Variants in SMAD3 observed in about 807,000 individuals in gnomAD.
SMAD3 encodes MAD homolog 3.
Under a neutral mutation model 51.8 loss-of-function variants are expected in SMAD3, and 12 were observed. That is an observed-to-expected ratio of 0.23 (90% CI 0.15 to 0.38). The LOEUF is 0.38. Ranked by LOEUF, SMAD3 falls within the 10% of genes least tolerant of loss-of-function variation. The probability of loss-of-function intolerance (pLI) is 1.00; values close to 1 mark genes in which losing one functional copy is unlikely to be tolerated. For missense variants in SMAD3, 294 were observed against 565.6 expected (o/e 0.52, Z 4.87); for synonymous variants, 238 against 227.7 (o/e 1.05, Z -0.41).
At chr15:67,085,868 GCACACACACA>G (rs78357581) in intron 1 of SMAD3, among the ~76,000 whole-genome samples, 1 of 100,066 alleles carries the variant, frequency 1.0e-5, no homozygotes, top group Non-Finnish European at 2.2e-5. Flanking sequence ...AAAAAAGCGT[GCACACACACA>G]CACACACACA....
At chr15:67,086,637 T>C (rs547758125) in intron 1 of SMAD3, among the ~76,000 whole-genome samples, 1 of 152,308 alleles carries the variant, frequency 6.6e-6, no homozygotes, top group Non-Finnish European at 1.5e-5. Context: ...TGTAGACACA[T>C]GCCAGATGTA....
chr15:67,128,540 A>AT (rs559138116), intron 1 of SMAD3, among the ~76,000 whole-genome samples: 2 of 150,276 alleles, frequency 1.3e-5, no homozygotes, highest in African/African-American at 2.4e-5. Context: ...TATTCATAAG[A>AT]TTTTTTTTTT....
intron 7 of SMAD3, chr15:67,186,530 A>G (rs1012758541): frequency 1.9e-5 from 3 of 154,400 alleles, no homozygotes; most frequent in Non-Finnish European, 4.3e-5. Context: ...TGGCTCATTC[A>G]TAAGCGTCAC....
rs1320208623 is a variant in SMAD3 at position 67,184,846 on chromosome 15, G to A, written c.991G>A (p.Val331Ile). The change falls in exon 7 of 9, where the codon GTC becomes ATC. Residue 331 changes from valine to isoleucine, a missense_variant. This residue lies in a region of SMAD3 where 118 missense variants were observed against 278.0 expected (regional missense o/e 0.42). Transcript: ENST00000327367. ...NQRYGWHPAT[V>I]CKIPPGCNLK... is the part of the protein sequence containing the mutation. ...GCGCTATGGCTGGCACCCGGCCACCGTCTGCAAGATCCCACCAGGTAAACG... is the reference window on the plus strand; with the variant it reads ...GCGCTATGGCTGGCACCCGGCCACCATCTGCAAGATCCCACCAGGTAAACG... The A allele has an allele frequency of 2.5e-6, 4 of 1,613,036 alleles. No homozygotes were observed. The highest frequency in any genetic ancestry group is 2.2e-5 in the East Asian group (1 of 44,890).
At chr15:67,165,122 G>A (rs1208799632) in intron 2 of SMAD3, 34 bp downstream of exon 2, 1 of 1,612,394 alleles carries the variant, frequency 6.2e-7, no homozygotes, top group South Asian at 1.1e-5. Flanking sequence ...GGGACAGCAG[G>A]TGCCAGGGGT....
chr15:67,134,710 ACT>A (rs1445935839), intron 1 of SMAD3, among the ~76,000 whole-genome samples: 2 of 152,068 alleles, frequency 1.3e-5, no homozygotes, highest in African/African-American at 2.4e-5. Flanking sequence ...GCTCTCAAAG[ACT>A]CTGAAGTCCA....
intron 1 of SMAD3, among the ~76,000 whole-genome samples, chr15:67,100,860 C>T (rs2140224090): frequency 6.6e-6 from 1 of 152,320 alleles, no homozygotes; most frequent in South Asian, 2.1e-4. Context: ...GAGCAGCGTA[C>T]CAGAGTTGAG....
At chr15:67,103,831 C>T (rs1048078959) in intron 1 of SMAD3, among the ~76,000 whole-genome samples, 1 of 152,200 alleles carries the variant, frequency 6.6e-6, no homozygotes, top group Admixed American at 6.6e-5. Context: ...CCACCCTGGA[C>T]CTCTTTCTTT....
chr15:67,150,815 TTTTTA>T (rs1215926301), intron 1 of SMAD3, among the ~76,000 whole-genome samples: 1 of 133,032 alleles, frequency 7.5e-6, no homozygotes, highest in South Asian at 2.6e-4. Flanking sequence ...TTTTTTTTTT[TTTTTA>T]TTAAGAGAGC....
intron 1 of SMAD3, among the ~76,000 whole-genome samples, chr15:67,147,806 AG>A (rs953253586): frequency 3.9e-5 from 6 of 152,156 alleles, no homozygotes; most frequent in African/African-American, 1.4e-4. Flanking sequence ...CTCCTCTCTC[AG>A]GAAGTTGTTT....
At chr15:67,138,491 C>T in intron 1 of SMAD3, 1 of 167,716 alleles carries the variant, frequency 6.0e-6, no homozygotes, top group Non-Finnish European at 1.3e-5. Flanking sequence ...TTCCCTGGGA[C>T]AGTTGAACCC....
chr15:67,075,737 A>G (rs1161809600), intron 1 of SMAD3, among the ~76,000 whole-genome samples: 1 of 152,130 alleles, frequency 6.6e-6, no homozygotes, highest in African/African-American at 2.4e-5. Context: ...CAATATGGTG[A>G]AACCTCGGCT....
At chr15:67,136,691 C>T (rs570721631) in intron 1 of SMAD3, among the ~76,000 whole-genome samples, 23 of 152,330 alleles carry the variant, frequency 1.5e-4, no homozygotes, top group Non-Finnish European at 2.6e-4. Flanking sequence ...TCCCTCCCCA[C>T]TTTAACATAA....
At chr15:67,152,192 T>TA (rs1962165333) in intron 1 of SMAD3, among the ~76,000 whole-genome samples, 1 of 152,242 alleles carries the variant, frequency 6.6e-6, no homozygotes, top group Non-Finnish European at 1.5e-5. Flanking sequence ...TTTACAAAGT[T>TA]AGAGTTTTGG....
chr15:67,192,293 A>G lies in SMAD3; in HGVS notation c.*1757A>G. On this transcript the variant is annotated 3_prime_UTR_variant, in exon 9 of 9. Transcript: ENST00000327367. ...TTCCAGGTAGGACAGCTGCTCCCCA[A>G]GCCTCCTGAGGACACAGGAAGAGAC... The G allele has an allele frequency of 4.3e-6, 1 of 232,992 alleles. No homozygotes were observed. The highest frequency in any genetic ancestry group is 2.2e-5 in the African/African-American group (1 of 45,404). The allele number at this position is 232,992 out of a possible 1,614,324, so 14.4% of individuals were successfully genotyped here.
chr15:67,099,051 C>A (rs1461373513), intron 1 of SMAD3: 1 of 556,732 alleles, frequency 1.8e-6, no homozygotes, highest in Admixed American at 2.8e-5. Flanking sequence ...ATTCTCCTTT[C>A]TGTGGTTGCC....
At chr15:67,066,495 G>A in intron 1 of SMAD3, 135 bp downstream of exon 1, 1 of 724,120 alleles carries the variant, frequency 1.4e-6, no homozygotes, top group Non-Finnish European at 2.3e-6. Flanking sequence ...GCGTGTGTGT[G>A]AGAGTGGGAG....
At chr15:67,070,945 T>G (rs10518705) in intron 1 of SMAD3, among the ~76,000 whole-genome samples, 71,494 of 151,944 alleles carry the variant, frequency 0.47, 17,136 homozygotes, top group South Asian at 0.66. Context: ...GTTACGTTTA[T>G]ACTTCATTCT....
chr15:67,179,968 G>A (rs1179747818), intron 5 of SMAD3, among the ~76,000 whole-genome samples: 2 of 152,314 alleles, frequency 1.3e-5, no homozygotes, highest in East Asian at 3.9e-4. Flanking sequence ...CACACCCTTA[G>A]TAACTGCGTC....
Sources: gnomAD v4.1 joint callset for allele counts (sites outside exome capture counted in the v4.1 genomes callset) on GRCh38, gnomAD v4.1.1 for gene constraint, gnomAD v4.1.1 regional missense constraint, MANE v1.5 for transcripts, NCBI Gene and HGNC (gene_info 2026-07-23, HGNC 2026-07-21) for gene names.